TLN1: variants seen among roughly 807,000 people sequenced by gnomAD.
TLN1 encodes the protein talin 1.
A neutral mutation model predicts 292.3 loss-of-function variants in TLN1; 56 were observed. The ratio of observed to expected loss-of-function variants is 0.19; its 90% CI spans 0.15 to 0.24. The LOEUF (loss-of-function observed/expected upper bound fraction) is 0.24. Ranked by LOEUF, TLN1 falls within the 10% of genes least tolerant of loss-of-function variation. The pLI is 1.00. For synonymous variants in TLN1, 1,119 were observed against 1,253.7 expected (o/e 0.89, Z 2.27); for missense variants, 2,433 against 3,248.2 (o/e 0.75, Z 6.10).
chr9:35,707,229 C>A lies in TLN1; in HGVS notation c.4798G>T (p.Val1600Leu), dbSNP rs1165224187. 15 of 1,604,074 alleles carry A rather than the reference C, an allele frequency of 9.4e-6. No individual in the cohort carries two copies. Among genetic ancestry groups the A allele is most frequent in the Non-Finnish European group, 1.3e-5 (15 of 1,173,678 alleles). Residue 1600 changes from valine (V) to leucine (L), a missense_variant, in exon 37 of 57, where the codon GTG (valine) becomes TTG (leucine). By Grantham distance (32) the Val-to-Leu change is conservative. Around this residue, in one of 7 missense-constraint regions of TLN1, gnomAD observed 1,384 missense variants for 1,699.6 expected, o/e 0.81. Coordinates refer to ENST00000314888, the MANE Select transcript of TLN1 (RefSeq NM_006289.4). The surrounding 1 kb of genome is among the most constrained non-coding windows in gnomAD (Gnocchi z 5.6). The part of the protein sequence containing the change: ...PEGRAAMEPI[V>L]ISAKTMLESA... ...TCTAACATTGTCTTGGCAGAGATCA[C>A]AATGGGCTCCATGGCAGCCCGACCC...
chr9:35,711,145 G>A (rs1489198858), intron 30 of TLN1, 63 bp from the exon 31 acceptor site: 11 of 1,609,940 alleles, frequency 6.8e-6, no homozygotes, highest in Non-Finnish European at 9.3e-6. Flanking sequence ...TCCTATGTAA[G>A]TATTTATCTT....
At chr9:35,703,083 T>G (rs527381158) in intron 48 of TLN1, among the ~76,000 whole-genome samples, 1 of 151,910 alleles carries the variant, frequency 6.6e-6, no homozygotes, top group Non-Finnish European at 1.5e-5. Context: ...GGTGGATCAC[T>G]TGAGGCCAGG....
At position 35,706,278 on chromosome 9, in the gene TLN1, G is replaced by A. The variant is rs1825563879; in HGVS notation, c.5279C>T (p.Ala1760Val). 1.9e-6 allele frequency: 3 copies of A among 1,613,874 alleles called. No homozygotes were observed. Among genetic ancestry groups the A allele is most frequent in the Non-Finnish European group, 2.5e-6 (3 of 1,179,794 alleles). Residue 1760 changes from alanine to valine, a missense_variant, in exon 40 of 57, where the codon GCA (alanine) becomes GTA (valine). Transcript: ENST00000314888. The surrounding 1 kb of genome is among the most constrained non-coding windows in gnomAD (Gnocchi z 4.2). Reference sequence around the variant, plus strand: ...CAATGTTTTAGTCTGGTCCAGGAGTGCCATCTGCTGCGGGTGGCTCAGGGT... The same window carrying A: ...CAATGTTTTAGTCTGGTCCAGGAGTACCATCTGCTGCGGGTGGCTCAGGGT... ...SKTLSHPQQMALLDQTKTLAE... is the reference protein window; with the variant it reads ...SKTLSHPQQMVLLDQTKTLAE...
chr9:35,722,200 C>G lies in TLN1; in HGVS notation c.867G>C (p.Met289Ile). 1 of 1,614,210 alleles carries G rather than the reference C, an allele frequency of 6.2e-7. No homozygotes were observed. The highest frequency in any genetic ancestry group is 1.1e-5 in the South Asian group (1 of 91,082). ...AGCGGACCTTGGCCTCAATCTCACT[C>G]ATCTGCCCACAATTCTTGTGTGCCT... is the stretch of plus-strand genomic sequence containing the variant. ...IFQAHKNCGQ[M>I]SEIEAKVRYV... Residue 289 changes from methionine (M) to isoleucine (I), a missense_variant, in exon 9 of 57, where the codon ATG (methionine) becomes ATC (isoleucine). This residue lies in a region of TLN1 where 78 missense variants were observed against 88.8 expected (regional missense o/e 0.88). Coordinates refer to ENST00000314888, the MANE Select transcript of TLN1 (RefSeq NM_006289.4).
chr9:35,713,905 AG>A, intron 25 of TLN1, 47 bp downstream of exon 25: 1 of 1,610,578 alleles, frequency 6.2e-7, no homozygotes, highest in Non-Finnish European at 8.5e-7. Flanking sequence ...ACGGAGGTGA[AG>A]GAAGACTTTA....
chr9:35,699,391 A>T lies in TLN1; in HGVS notation c.6839T>A (p.Val2280Asp). 6.2e-7 allele frequency: 1 copy of T among 1,613,938 alleles called. No homozygotes were observed. Among genetic ancestry groups the T allele is most frequent in the Non-Finnish European group, 8.5e-7 (1 of 1,179,900 alleles). ...TTCAGCAGCCTGGATGAGCTCAGTG[A>T]CGGAACCAGCCACACGCTTTGAATG... Reference protein sequence around the residue: ...TGHSKRVAGSVTELIQAAEAM... With the variant: ...TGHSKRVAGSDTELIQAAEAM... The change falls in exon 51 of 57, where the codon GTC becomes GAC. Residue 2280 changes from valine to aspartate, a missense_variant. Around this residue, in one of 7 missense-constraint regions of TLN1, gnomAD observed 1,384 missense variants for 1,699.6 expected, o/e 0.81. Transcript: ENST00000314888. The surrounding 1 kb of genome is among the most constrained non-coding windows in gnomAD (Gnocchi z 4.0).
At position 35,712,933 on chromosome 9, in the gene TLN1, C is replaced by A; in HGVS notation, c.3463G>T (p.Ala1155Ser). The change falls in exon 27 of 57, where the codon GCC (alanine) becomes TCC (serine). Residue 1155 changes from alanine to serine, a missense_variant. Coordinates refer to ENST00000314888, the MANE Select transcript of TLN1 (RefSeq NM_006289.4). ...CTGGCCTTGTCCAGCACATCACTGG[C>A]CGTATCAAGTACAATGGCCTGCACT... ...PAVQAIVLDT[A>S]SDVLDKASSL... 6.2e-7 allele frequency: 1 copy of A among 1,608,880 alleles called. No homozygotes were observed. Among genetic ancestry groups the A allele is most frequent in the Non-Finnish European group, 8.5e-7 (1 of 1,177,828 alleles).
intron 48 of TLN1, among the ~76,000 whole-genome samples, chr9:35,701,270 G>A (rs1019412193): frequency 2.0e-5 from 3 of 152,174 alleles, no homozygotes; most frequent in African/African-American, 7.2e-5. Flanking sequence ...TGGGTTTTAA[G>A]TAGTGAAGTG....
intron 26 of TLN1, 57 bp downstream of exon 26, chr9:35,713,139 T>TC: frequency 6.3e-7 from 1 of 1,575,148 alleles, no homozygotes; most frequent in Non-Finnish European, 8.7e-7. Context: ...CTCATCCAGC[T>TC]CCCATTTTCC....
At chr9:35,716,918 T>A (rs964215966) in intron 19 of TLN1, among the ~76,000 whole-genome samples, 7 of 152,230 alleles carry the variant, frequency 4.6e-5, no homozygotes, top group African/African-American at 1.7e-4. Context: ...TACTTTGGTA[T>A]ATTCTTTAAA....
chr9:35,721,650 G>C lies in TLN1; in HGVS notation c.1102C>G (p.Leu368Val). The C allele has an allele frequency of 6.2e-7, 1 of 1,612,408 alleles. No individual in the cohort carries two copies. Among genetic ancestry groups the C allele is most frequent in the Non-Finnish European group, 8.5e-7 (1 of 1,178,564 alleles). Residue 368 changes from leucine to valine, a missense_variant and splice_region_variant, in exon 10 of 57, where the codon CTG (leucine) becomes GTG (valine). Around this residue, in one of 7 missense-constraint regions of TLN1, gnomAD observed 57 missense variants for 136.5 expected, o/e 0.42. Transcript: ENST00000314888. ...RWAASPKSFT[L>V]DFGDYQDGYY... is the part of the protein sequence containing the mutation. ...CTTGTTATAGTCCCCAGACTTACCA[G>C]GGTGAAGCTTTTGGGAGACGCAGCC...
chr9:35,700,744 G>C (rs944700213), intron 48 of TLN1, among the ~76,000 whole-genome samples: 1 of 152,200 alleles, frequency 6.6e-6, no homozygotes, highest in Non-Finnish European at 1.5e-5. Flanking sequence ...CTGGAATATA[G>C]GAATGGTGAA....
intron 1 of TLN1, among the ~76,000 whole-genome samples, chr9:35,728,866 G>C (rs993019421): frequency 2.0e-5 from 3 of 152,098 alleles, no homozygotes; most frequent in Admixed American, 1.3e-4. Flanking sequence ...AGTTCAAAGG[G>C]CTCCCAGTCC....
chr9:35,719,343 G>A lies in TLN1; in HGVS notation c.1688-61C>T. ...AGGGCAGGCCAGACGAAGGGCTGGG[G>A]AGGGAGCAAAGTCACACCCAGTTAG... On this transcript the variant is annotated intron_variant, in intron 15 of 56. Transcript: ENST00000314888. The surrounding 1 kb of genome is among the most constrained non-coding windows in gnomAD (Gnocchi z 4.6). 4 of 1,546,106 alleles carry A rather than the reference G, an allele frequency of 2.6e-6. No individual in the cohort carries two copies. The highest frequency in any genetic ancestry group is 1.7e-5 in the Admixed American group (1 of 57,358).
rs1825561612 is a variant in TLN1, at chr9:35,706,142, C to T, written c.5362-31G>A. 1 of 1,612,956 alleles carries T rather than the reference C, an allele frequency of 6.2e-7. No individual in the cohort carries two copies. Among genetic ancestry groups the T allele is most frequent in the African/African-American group, 1.3e-5 (1 of 75,018 alleles). On this transcript the variant is annotated intron_variant, in intron 40 of 56. Transcript: ENST00000314888. The surrounding 1 kb of genome is among the most constrained non-coding windows in gnomAD (Gnocchi z 4.2). The stretch of plus-strand genomic sequence containing the variant: ...GGGAGAGGAGAGGAGCTCTGTTGTT[C>T]CTGTTTCTCCAGCCTCCTGCTAGTA...
rs1825933420 is a variant in TLN1, at chr9:35,724,464, T to A, written c.511+108A>T. The A allele has an allele frequency of 6.4e-7, 1 of 1,559,084 alleles. No homozygotes were observed. The highest frequency in any genetic ancestry group is 1.8e-5 in the Admixed American group (1 of 55,420). Reference sequence around the variant, plus strand: ...CCCATGAGTGTAGGACTTTGTTTTCTCACTGATGTATCCCCAGGGTGTAAA... The same window carrying A: ...CCCATGAGTGTAGGACTTTGTTTTCACACTGATGTATCCCCAGGGTGTAAA... On this transcript the variant is annotated intron_variant, in intron 5 of 56. Coordinates refer to ENST00000314888, the MANE Select transcript of TLN1 (RefSeq NM_006289.4). The surrounding 1 kb of genome is among the most constrained non-coding windows in gnomAD (Gnocchi z 4.7).
Position 35,704,943 on chromosome 9 carries a change from G to T in TLN1, c.5734-128C>A, listed in dbSNP as rs904351233. 4 of 1,165,534 alleles carry T rather than the reference G, an allele frequency of 3.4e-6. No homozygotes were observed. Among genetic ancestry groups the T allele is most frequent in the African/African-American group, 1.6e-5 (1 of 64,516 alleles). The allele number at this position is 1,165,534 out of a possible 1,614,324, so 72.2% of individuals were successfully genotyped here. On this transcript the variant is annotated intron_variant, in intron 43 of 56. Coordinates refer to ENST00000314888, the MANE Select transcript of TLN1 (RefSeq NM_006289.4). The surrounding 1 kb of genome is among the most constrained non-coding windows in gnomAD (Gnocchi z 6.9). ...TAGACTAAAGAAGCAGAGAGAGAAGGTTCCCAGCACAAGGACGTTTCCGGT... is the reference window on the plus strand; with the variant it reads ...TAGACTAAAGAAGCAGAGAGAGAAGTTTCCCAGCACAAGGACGTTTCCGGT...
Position 35,711,027 on chromosome 9 carries a change from C to T in TLN1, c.4075G>A (p.Gly1359Ser), listed in dbSNP as rs941771913. The change falls in exon 31 of 57, where the codon GGC becomes AGC. Residue 1359 changes from glycine (G) to serine (S), a missense_variant. By Grantham distance (56) the Gly-to-Ser change is moderately conservative. Around this residue, in one of 7 missense-constraint regions of TLN1, gnomAD observed 1,384 missense variants for 1,699.6 expected, o/e 0.81. Transcript: ENST00000314888. Reference sequence around the variant, plus strand: ...AGGGCGTTATCACACTCCTTCTGGCCGGGTGCCTGCTGGGTGCACATAGTG... The same window carrying T: ...AGGGCGTTATCACACTCCTTCTGGCTGGGTGCCTGCTGGGTGCACATAGTG... ...LITMCTQQAP[G>S]QKECDNALRE... 1.3e-5 allele frequency: 21 copies of T among 1,614,202 alleles called. No homozygotes were observed. The highest frequency in any genetic ancestry group is 1.8e-5 in the Non-Finnish European group (21 of 1,180,048).
rs140329770 is a variant in TLN1 at position 35,700,284 on chromosome 9, G to A, written c.6567C>T (p.Ala2189=). Residue 2189 remains alanine (A), a synonymous_variant, in exon 49 of 57, where the codon GCC becomes GCT. Transcript: ENST00000314888. ...TKGITMATAK[A]VAAGNSCRQE... ...GGCGACAGGAATTGCCAGCAGCAAC[G>A]GCCTTGGCGGTTGCCATGGTGATAC... The A allele has an allele frequency of 2.3e-5, 37 of 1,613,560 alleles. No homozygotes were observed. Among genetic ancestry groups the A allele is most frequent in the African/African-American group, 1.6e-4 (12 of 74,948 alleles).
Sources: gnomAD v4.1 joint callset for allele counts (sites outside exome capture counted in the v4.1 genomes callset) on GRCh38, gnomAD v4.1.1 for gene constraint, gnomAD v4.1.1 regional missense constraint, Gnocchi (gnomAD v3.1) non-coding constraint, MANE v1.5 for transcripts, NCBI Gene and HGNC (gene_info 2026-07-23, HGNC 2026-07-21) for gene names.